The following TBC1D15 variants were observed in gnomAD, a reference collection of about 807,000 sequenced individuals.
TBC1D15 encodes GAP for RAB7.
TBC1D15 carries 39 observed loss-of-function variants against 95.4 expected under a neutral mutation model. The ratio of observed to expected loss-of-function variants is 0.41; its 90% CI spans 0.32 to 0.53. The LOEUF is 0.53. TBC1D15 is among the 20% of genes least tolerant of loss of function. The probability of loss-of-function intolerance (pLI) is 0.29; values close to 1 mark genes in which losing one functional copy is unlikely to be tolerated. For missense variants in TBC1D15, 733 were observed against 794.3 expected, an observed-to-expected ratio of 0.92 and a Z score of 0.93; for synonymous variants, 258 against 261.3, an observed-to-expected ratio of 0.99 and a Z score of 0.12.
At chr12:71,873,560 A>C (rs1437999629) in intron 3 of TBC1D15, among the ~76,000 whole-genome samples, 1 of 152,144 alleles carries the variant, frequency 6.6e-6, no homozygotes, top group Non-Finnish European at 1.5e-5. Context: ...TTGTGTGAAC[A>C]TGTTTTTATT....
intron 1 of TBC1D15, among the ~76,000 whole-genome samples, chr12:71,861,764 C>T (rs2138130429): frequency 1.3e-5 from 2 of 150,706 alleles, no homozygotes; most frequent in South Asian, 4.2e-4. Flanking sequence ...AGTTCCTTGA[C>T]ATGCATTGTT....
At chr12:71,910,119 A>C (rs1901820907) in intron 11 of TBC1D15, among the ~76,000 whole-genome samples, 1 of 151,944 alleles carries the variant, frequency 6.6e-6, no homozygotes, top group South Asian at 2.1e-4. Context: ...TAAATAGGGA[A>C]TCCTTTCCCC....
chr12:71,916,354 A>G (rs1185205072), intron 12 of TBC1D15, among the ~76,000 whole-genome samples: 1 of 152,160 alleles, frequency 6.6e-6, no homozygotes, highest in African/African-American at 2.4e-5. Context: ...TTCCCAGATC[A>G]GCTCTAGTCT....
intron 12 of TBC1D15, among the ~76,000 whole-genome samples, chr12:71,916,380 C>CA (rs1429667111): frequency 2.6e-5 from 4 of 152,124 alleles, no homozygotes; most frequent in African/African-American, 4.8e-5. Flanking sequence ...TGTGTCACAG[C>CA]AAAAATGATC....
chr12:71,872,836 G>A, intron 2 of TBC1D15, 93 bp from the exon 3 acceptor site: 1 of 810,426 alleles, frequency 1.2e-6, no homozygotes, highest in Non-Finnish European at 1.9e-6. Flanking sequence ...AGATATTTAA[G>A]AGGCTGAAAT....
chr12:71,871,506 T>C (rs1461867921), intron 1 of TBC1D15, among the ~76,000 whole-genome samples: 2 of 152,246 alleles, frequency 1.3e-5, no homozygotes, highest in African/African-American at 4.8e-5. Flanking sequence ...CATTTGTTCT[T>C]ATTCTTAGAT....
In TBC1D15 at chr12:71,918,525, C is replaced by A. The variant is rs1868251343; in HGVS notation, c.1576C>A (p.Leu526Ile). 1.2e-6 allele frequency: 2 copies of A among 1,602,438 alleles called. No homozygotes were observed. The highest frequency in any genetic ancestry group is 1.7e-6 in the Non-Finnish European group (2 of 1,174,114). ...CAGATTCAAAAGGGAATTTAGTTTTCTAGATATTCTTCGATTATGGGAGGT... is the reference window on the plus strand; with the variant it reads ...CAGATTCAAAAGGGAATTTAGTTTTATAGATATTCTTCGATTATGGGAGGT... ...LIRFKREFSF[L>I]DILRLWEVMW... is the part of the protein sequence containing the mutation. The change falls in exon 14 of 17, where the codon CTA becomes ATA. Residue 526 changes from leucine to isoleucine, a missense_variant. Leu to Ile is a conservative substitution (Grantham distance 5). Coordinates refer to ENST00000485960, the MANE Select transcript of TBC1D15 (RefSeq NM_001146213.3).
At chr12:71,872,813 A>G (rs994684419) in intron 2 of TBC1D15, 116 bp from the exon 3 acceptor site, 3 of 657,990 alleles carry the variant, frequency 4.6e-6, no homozygotes, top group Admixed American at 2.8e-5. Context: ...TGATGTTAGC[A>G]TATTTAAAAT....
chr12:71,871,196 A>G (rs928770236), intron 1 of TBC1D15, among the ~76,000 whole-genome samples: 5 of 152,144 alleles, frequency 3.3e-5, no homozygotes, highest in Non-Finnish European at 7.4e-5. Flanking sequence ...TCTCCCCTAT[A>G]TTCCCATAGG....
At chr12:71,847,755 A>G (rs951604469) in intron 1 of TBC1D15, among the ~76,000 whole-genome samples, 1 of 151,922 alleles carries the variant, frequency 6.6e-6, no homozygotes, top group East Asian at 1.9e-4. Flanking sequence ...TTATCTAGTC[A>G]TGTGTTTGAT....
chr12:71,911,321 C>T (rs530405161), intron 11 of TBC1D15, among the ~76,000 whole-genome samples: 4,172 of 152,112 alleles, frequency 0.027, 194 homozygotes, highest in African/African-American at 0.094. Flanking sequence ...GACACATGCA[C>T]ACGTATGTTT....
chr12:71,921,407 A>G lies in TBC1D15; in HGVS notation c.1756A>G (p.Ile586Val), dbSNP rs181800282. ...ELSMKIDVEDILCKAEAISLQ... is the reference protein window; with the variant it reads ...ELSMKIDVEDVLCKAEAISLQ... ...GTCCATGAAAATTGATGTGGAAGAT[A>G]TACTCTGCAAGGCAGAAGCAATTTC... The change falls in exon 16 of 17, where the codon ATA becomes GTA. Residue 586 changes from isoleucine to valine, a missense_variant. Ile to Val is a conservative substitution (Grantham distance 29, BLOSUM62 3). Coordinates refer to ENST00000485960, the MANE Select transcript of TBC1D15 (RefSeq NM_001146213.3). 2.5e-6 allele frequency: 4 copies of G among 1,569,350 alleles called. No homozygotes were observed. In the Admixed American group the frequency reaches 7.0e-5, roughly 27 times the overall value.
intron 1 of TBC1D15, 44 bp downstream of exon 1, chr12:71,839,855 G>A: frequency 6.2e-7 from 1 of 1,613,330 alleles, no homozygotes; most frequent in Non-Finnish European, 8.5e-7. Flanking sequence ...TCTCTGGGAC[G>A]GGGATGCTTT....
At chr12:71,904,019 GA>G (rs1192775240) in intron 10 of TBC1D15, among the ~76,000 whole-genome samples, 1 of 151,534 alleles carries the variant, frequency 6.6e-6, no homozygotes, top group Admixed American at 6.6e-5. Flanking sequence ...AACTTGGGAG[GA>G]AAAAAAATAG....
chr12:71,888,304 T>A (rs1025667763), intron 5 of TBC1D15, among the ~76,000 whole-genome samples: 1 of 151,962 alleles, frequency 6.6e-6, no homozygotes, highest in Non-Finnish European at 1.5e-5. Flanking sequence ...GCCAACATGG[T>A]GAAACCCCGT....
chr12:71,872,818 T>C, intron 2 of TBC1D15, 111 bp from the exon 3 acceptor site: 1 of 689,572 alleles, frequency 1.5e-6, no homozygotes, highest in Non-Finnish European at 2.4e-6. Flanking sequence ...TTAGCATATT[T>C]AAAATGTAGA....
chr12:71,883,674 G>A (rs116608221), intron 4 of TBC1D15, among the ~76,000 whole-genome samples: 167 of 152,204 alleles, frequency 1.1e-3, no homozygotes, highest in African/African-American at 3.7e-3. Context: ...GTTTATCTTT[G>A]TGGGACTGGT....
rs1206992856 is a variant in TBC1D15, at chr12:71,850,984, CAAA to C, written c.30+11195_30+11197del. Reference sequence around the variant, plus strand: ...CTGGTGGCAGAGCAACACTCCATCTCAAAAAAAAAAAAAAAAAAAAAAAAGAAA... The same window carrying C: ...CTGGTGGCAGAGCAACACTCCATCTCAAAAAAAAAAAAAAAAAAAAAGAAA... On this transcript the variant is annotated intron_variant, in intron 1 of 16. Coordinates refer to ENST00000485960, the MANE Select transcript of TBC1D15 (RefSeq NM_001146213.3). 6.8e-3 allele frequency among the ~76,000 whole-genome samples: 318 copies of C among 46,922 alleles called. 1 individual carries two copies. The highest frequency in any genetic ancestry group is 9.9e-3 in the Non-Finnish European group (230 of 23,132). The allele number at this position is 46,922 out of a possible 152,430, so 30.8% of individuals were successfully genotyped here. A position where few individuals can be genotyped will look rare whatever the true frequency, so the allele number is the denominator to read the frequency against.
At chr12:71,854,552 C>T (rs1041395719) in intron 1 of TBC1D15, 1 of 456,540 alleles carries the variant, frequency 2.2e-6, no homozygotes, top group Admixed American at 2.4e-5. Context: ...CTGTTCTGTA[C>T]CTTCTGACAG....
Sources: allele counts gnomAD v4.1 joint callset (sites outside exome capture counted in the v4.1 genomes callset), GRCh38; gene constraint gnomAD v4.1.1; transcripts MANE v1.5; gene names NCBI Gene and HGNC (gene_info 2026-07-23, HGNC 2026-07-21).